The following DHRS13 variants were observed in gnomAD, a reference collection of about 807,000 sequenced individuals.
DHRS13 encodes dehydrogenase/reductase SDR family member 13.
In DHRS13, 22 loss-of-function variants were observed where a neutral mutation model predicts 17.9. That is an observed-to-expected ratio of 1.23 (90% CI 0.88 to 1.75). The LOEUF is 1.75. DHRS13 is among the 40% of genes most tolerant of loss of function. DHRS13 has a pLI of 0.00. For missense variants in DHRS13, 483 were observed against 519.9 expected (o/e 0.93, Z 0.69); for synonymous variants, 206 against 220.4 (o/e 0.93, Z 0.58).
chr17:28,900,341 T>C (rs773322963), intron 4 of DHRS13, among the ~76,000 whole-genome samples: 6 of 152,188 alleles, frequency 3.9e-5, no homozygotes, highest in Non-Finnish European at 8.8e-5. Context: ...TCTGCACTTA[T>C]TATTTGCACT....
Position 28,903,020 on chromosome 17 carries a change from T to A in DHRS13, c.-76A>T. The A allele has an allele frequency of 4.7e-6, 6 of 1,268,582 alleles. No individual in the cohort carries two copies. The highest frequency in any genetic ancestry group is 6.0e-6 in the Non-Finnish European group (6 of 1,000,242). 78.6% of individuals were successfully genotyped at this position (1,268,582 alleles called of 1,614,324 possible). ...CCGCCAGGCGGCTGCCGATCCGCCC[T>A]GCACAGGCCTGGAACGGCGCCCGGG... On this transcript the variant is annotated 5_prime_UTR_variant, in exon 1 of 5. Coordinates refer to ENST00000378895, the MANE Select transcript of DHRS13 (RefSeq NM_144683.4). The surrounding 1 kb of genome is among the most constrained non-coding windows in gnomAD (Gnocchi z 4.8).
In DHRS13 at chr17:28,901,613, T is replaced by C. The variant is rs367956193; in HGVS notation, c.250A>G (p.Ser84Gly). 2 of 1,614,018 alleles carry C rather than the reference T, an allele frequency of 1.2e-6. No homozygotes were observed. Among genetic ancestry groups the C allele is most frequent in the African/African-American group, 1.3e-5 (1 of 74,926 alleles). Reference sequence around the variant, plus strand: ...ATGAAGATGACCTCATTGTTCCCACTCTCCTGTGGAGAGGCAAGGGCTGGG... The same window carrying C: ...ATGAAGATGACCTCATTGTTCCCACCCTCCTGTGGAGAGGCAAGGGCTGGG... ...EAAAFDLRQESGNNEVIFMAL... is the reference protein window; with the variant it reads ...EAAAFDLRQEGGNNEVIFMAL... Residue 84 changes from serine (S) to glycine (G), a missense_variant, in exon 3 of 5, where the codon AGT (serine) becomes GGT (glycine). Coordinates refer to ENST00000378895, the MANE Select transcript of DHRS13 (RefSeq NM_144683.4). The surrounding 1 kb of genome is among the most constrained non-coding windows in gnomAD (Gnocchi z 4.3).
In DHRS13 at chr17:28,898,742, C is replaced by G. The variant is rs780957393; in HGVS notation, c.833G>C (p.Ser278Thr). 3.1e-6 allele frequency: 5 copies of G among 1,613,974 alleles called. No individual in the cohort carries two copies. Among genetic ancestry groups the G allele is most frequent in the Non-Finnish European group, 4.2e-6 (5 of 1,179,938 alleles). ...CALQEGIEPL[S>T]GRYFANCHVE... is the part of the protein sequence containing the mutation. ...ATGGCAGTTGGCAAAATATCTCCCACTGAGGGGCTCGATGCCCTCTTGTAG... is the reference window on the plus strand; with the variant it reads ...ATGGCAGTTGGCAAAATATCTCCCAGTGAGGGGCTCGATGCCCTCTTGTAG... Residue 278 changes from serine (S) to threonine (T), a missense_variant, in exon 5 of 5, where the codon AGT (serine) becomes ACT (threonine). Transcript: ENST00000378895.
In DHRS13 at chr17:28,901,024, C is replaced by T; in HGVS notation, c.648G>A (p.Glu216=). 6.2e-7 allele frequency: 1 copy of T among 1,609,852 alleles called. No individual in the cohort carries two copies. Residue 216 remains glutamate, a synonymous_variant, in exon 4 of 5, where the codon GAG becomes GAA. Transcript: ENST00000378895. This position sits in a 1 kb window ranked among gnomAD's most constrained non-coding sequence, Gnocchi z 4.3. ...CTGCATAGCAGGTGACGCCAGTGGC[C>T]TCAAGCTGGTTGGCGAGCTCCCGGG... ...LFARELANQL[E]ATGVTCYAAH...
rs2039816737 is a variant in DHRS13, at chr17:28,902,720, A to G, written c.128-19T>C. On this transcript the variant is annotated intron_variant, in intron 1 of 4. Coordinates refer to ENST00000378895, the MANE Select transcript of DHRS13 (RefSeq NM_144683.4). This position sits in a 1 kb window ranked among gnomAD's most constrained non-coding sequence, Gnocchi z 4.0. ...TTGGCGCCTGCGGACCGCGGGCGGGAGCCGAGCTGAGCTGAGCCCGGCGGG... is the reference window on the plus strand; with the variant it reads ...TTGGCGCCTGCGGACCGCGGGCGGGGGCCGAGCTGAGCTGAGCCCGGCGGG... 4.4e-6 allele frequency: 6 copies of G among 1,349,722 alleles called. No individual in the cohort carries two copies. The highest frequency in any genetic ancestry group is 4.7e-6 in the Non-Finnish European group (5 of 1,059,188). The allele number at this position is 1,349,722 out of a possible 1,614,324, so 83.6% of individuals were successfully genotyped here.
Position 28,902,522 on chromosome 17 carries a change from G to A in DHRS13, c.246+61C>T. 1.4e-6 allele frequency: 2 copies of A among 1,400,158 alleles called. No homozygotes were observed. The highest frequency in any genetic ancestry group is 1.9e-6 in the Non-Finnish European group (2 of 1,076,980). The allele number at this position is 1,400,158 out of a possible 1,614,324, so 86.7% of individuals were successfully genotyped here. A position where few individuals can be genotyped will look rare whatever the true frequency, so the allele number is the denominator to read the frequency against. ...CGGATCCTCCGCAGCCCCTTTGCTG[G>A]CTTCTCTGTGTCCCGGCGGGTTCTC... On this transcript the variant is annotated intron_variant, in intron 2 of 4. Transcript: ENST00000378895. The surrounding 1 kb of genome is among the most constrained non-coding windows in gnomAD (Gnocchi z 4.0).
Position 28,902,707 on chromosome 17 carries a change from G to T in DHRS13, c.128-6C>A. ...TCCGATGCCGCTGTTGGCGCCTGCG[G>T]ACCGCGGGCGGGAGCCGAGCTGAGC... On this transcript the variant is annotated splice_region_variant and splice_polypyrimidine_tract_variant and intron_variant, in intron 1 of 4. Coordinates refer to ENST00000378895, the MANE Select transcript of DHRS13 (RefSeq NM_144683.4). The surrounding 1 kb of genome is among the most constrained non-coding windows in gnomAD (Gnocchi z 4.0). The T allele has an allele frequency of 7.4e-7, 1 of 1,356,542 alleles. No homozygotes were observed. Among genetic ancestry groups the T allele is most frequent in the South Asian group, 1.8e-5 (1 of 56,186 alleles). 84.0% of individuals were successfully genotyped at this position (1,356,542 alleles called of 1,614,324 possible). A position where few individuals can be genotyped will look rare whatever the true frequency, so the allele number is the denominator to read the frequency against.
rs774069075 is a variant in DHRS13, at chr17:28,901,338, A to G, written c.371-37T>C. 1.3e-6 allele frequency: 2 copies of G among 1,584,272 alleles called. No homozygotes were observed. The highest frequency in any genetic ancestry group is 4.5e-5 in the East Asian group (2 of 44,610). On this transcript the variant is annotated intron_variant, in intron 3 of 4. Transcript: ENST00000378895. The surrounding 1 kb of genome is among the most constrained non-coding windows in gnomAD (Gnocchi z 4.3). ...GCTAAATGTGAGCGGCTGCTCCAGA[A>G]GGAGCTCTGCAGCCTTGGCATCCCT...
chr17:28,901,131 T>C lies in DHRS13; in HGVS notation c.541A>G (p.Lys181Glu), dbSNP rs1321252766. 1.2e-6 allele frequency: 2 copies of C among 1,614,120 alleles called. No homozygotes were observed. Among genetic ancestry groups the C allele is most frequent in the Non-Finnish European group, 1.7e-6 (2 of 1,180,006 alleles). Residue 181 changes from lysine to glutamate, a missense_variant, in exon 4 of 5, where the codon AAA becomes GAA. By Grantham distance (56) the Lys-to-Glu change is moderately conservative. Transcript: ENST00000378895. The surrounding 1 kb of genome is among the most constrained non-coding windows in gnomAD (Gnocchi z 4.3). ...CCCACCACTGGGCGGTCCAGGCGTT[T>C]GAAGTCAAGACGTCCCCGACAGTGG... Reference protein sequence around the residue: ...AAHCRGRLDFKRLDRPVVGWR... With the variant: ...AAHCRGRLDFERLDRPVVGWR...
chr17:28,902,524 T>G lies in DHRS13; in HGVS notation c.246+59A>C. On this transcript the variant is annotated intron_variant, in intron 2 of 4. Coordinates refer to ENST00000378895, the MANE Select transcript of DHRS13 (RefSeq NM_144683.4). This position sits in a 1 kb window ranked among gnomAD's most constrained non-coding sequence, Gnocchi z 4.0. Reference sequence around the variant, plus strand: ...GATCCTCCGCAGCCCCTTTGCTGGCTTCTCTGTGTCCCGGCGGGTTCTCGG... The same window carrying G: ...GATCCTCCGCAGCCCCTTTGCTGGCGTCTCTGTGTCCCGGCGGGTTCTCGG... 1 of 1,406,388 alleles carries G rather than the reference T, an allele frequency of 7.1e-7. No individual in the cohort carries two copies. Among genetic ancestry groups the G allele is most frequent in the South Asian group, 1.4e-5 (1 of 69,604 alleles). 87.1% of individuals were successfully genotyped at this position (1,406,388 alleles called of 1,614,324 possible).
At position 28,901,747 on chromosome 17, in the gene DHRS13, A is replaced by G. The variant is rs1474612860; in HGVS notation, c.247-131T>C. The G allele has an allele frequency of 8.4e-6, 12 of 1,421,216 alleles. No individual in the cohort carries two copies. The highest frequency in any genetic ancestry group is 2.7e-5 in the Admixed American group (1 of 36,440). 88.0% of individuals were successfully genotyped at this position (1,421,216 alleles called of 1,614,324 possible). A position where few individuals can be genotyped will look rare whatever the true frequency, so the allele number is the denominator to read the frequency against. On this transcript the variant is annotated intron_variant, in intron 2 of 4. Coordinates refer to ENST00000378895, the MANE Select transcript of DHRS13 (RefSeq NM_144683.4). This position sits in a 1 kb window ranked among gnomAD's most constrained non-coding sequence, Gnocchi z 4.3. ...GCCCCTGTGTCTTAGAGTGTACTAG[A>G]TAAGTGTGTGGATTCAAATCCTGAC...
chr17:28,901,389 T>A lies in DHRS13; in HGVS notation c.371-88A>T. 1.3e-6 allele frequency: 2 copies of A among 1,590,248 alleles called. No homozygotes were observed. The highest frequency in any genetic ancestry group is 2.3e-5 in the South Asian group (2 of 87,758). On this transcript the variant is annotated intron_variant, in intron 3 of 4. Transcript: ENST00000378895. The surrounding 1 kb of genome is among the most constrained non-coding windows in gnomAD (Gnocchi z 4.3). The stretch of plus-strand genomic sequence containing the variant: ...ATCTATGAGATGGGAGAAGGGGGCA[T>A]CCTTCCCATGTGTCCACTGGCCCCA...
chr17:28,898,998 T>C, intron 4 of DHRS13, 106 bp from the exon 5 acceptor site: 1 of 1,114,004 alleles, frequency 9.0e-7, no homozygotes, highest in Non-Finnish European at 1.2e-6. Flanking sequence ...GCCCAGGAGT[T>C]TGAGACCAGA....
In DHRS13 at chr17:28,901,118, C is replaced by A. The variant is rs746479641; in HGVS notation, c.554G>T (p.Arg185Leu). 1 of 1,614,176 alleles carries A rather than the reference C, an allele frequency of 6.2e-7. No homozygotes were observed. ...CTCCTGCCGCCAGCCCACCACTGGG[C>A]GGTCCAGGCGTTTGAAGTCAAGACG... is the stretch of plus-strand genomic sequence containing the variant. Reference protein sequence around the residue: ...RGRLDFKRLDRPVVGWRQELR... With the variant: ...RGRLDFKRLDLPVVGWRQELR... The change falls in exon 4 of 5, where the codon CGC becomes CTC. Residue 185 changes from arginine (R) to leucine (L), a missense_variant. Coordinates refer to ENST00000378895, the MANE Select transcript of DHRS13 (RefSeq NM_144683.4). The surrounding 1 kb of genome is among the most constrained non-coding windows in gnomAD (Gnocchi z 4.3).
In DHRS13 at chr17:28,901,674, C is replaced by T; in HGVS notation, c.247-58G>A. 1 of 1,600,672 alleles carries T rather than the reference C, an allele frequency of 6.2e-7. No individual in the cohort carries two copies. The highest frequency in any genetic ancestry group is 8.5e-7 in the Non-Finnish European group (1 of 1,171,202). On this transcript the variant is annotated intron_variant, in intron 2 of 4. Transcript: ENST00000378895. The surrounding 1 kb of genome is among the most constrained non-coding windows in gnomAD (Gnocchi z 4.3). Reference sequence around the variant, plus strand: ...GGCATCTCTCTCCTCTTCCCTCTCCCCAGGCACCAAATTCTGAGAGTCCAT... The same window carrying T: ...GGCATCTCTCTCCTCTTCCCTCTCCTCAGGCACCAAATTCTGAGAGTCCAT...
Position 28,902,713 on chromosome 17 carries a change from G to T in DHRS13, c.128-12C>A. 7.4e-7 allele frequency: 1 copy of T among 1,353,638 alleles called. No individual in the cohort carries two copies. The highest frequency in any genetic ancestry group is 9.4e-7 in the Non-Finnish European group (1 of 1,061,196). 83.9% of individuals were successfully genotyped at this position (1,353,638 alleles called of 1,614,324 possible). On this transcript the variant is annotated splice_polypyrimidine_tract_variant and intron_variant, in intron 1 of 4. Coordinates refer to ENST00000378895, the MANE Select transcript of DHRS13 (RefSeq NM_144683.4). This position sits in a 1 kb window ranked among gnomAD's most constrained non-coding sequence, Gnocchi z 4.0. ...GCCGCTGTTGGCGCCTGCGGACCGCGGGCGGGAGCCGAGCTGAGCTGAGCC... is the reference window on the plus strand; with the variant it reads ...GCCGCTGTTGGCGCCTGCGGACCGCTGGCGGGAGCCGAGCTGAGCTGAGCC...
intron 4 of DHRS13, among the ~76,000 whole-genome samples, chr17:28,900,006 C>T (rs757858909): frequency 3.3e-5 from 5 of 151,574 alleles, no homozygotes; most frequent in Non-Finnish European, 5.9e-5. Context: ...CTCCACCTCC[C>T]GGATTAAAGC....
chr17:28,902,724 G>C lies in DHRS13; in HGVS notation c.128-23C>G, dbSNP rs954413967. The C allele has an allele frequency of 2.9e-6, 4 of 1,362,674 alleles. No homozygotes were observed. The East Asian group carries it at 1.2e-4, about 42-fold the overall frequency. 84.4% of individuals were successfully genotyped at this position (1,362,674 alleles called of 1,614,324 possible). The stretch of plus-strand genomic sequence containing the variant: ...CGCCTGCGGACCGCGGGCGGGAGCC[G>C]AGCTGAGCTGAGCCCGGCGGGCCGC... On this transcript the variant is annotated intron_variant, in intron 1 of 4. Transcript: ENST00000378895. The surrounding 1 kb of genome is among the most constrained non-coding windows in gnomAD (Gnocchi z 4.0).
chr17:28,898,933 T>C, intron 4 of DHRS13, 41 bp from the exon 5 acceptor site: 1 of 1,520,704 alleles, frequency 6.6e-7, no homozygotes, highest in Non-Finnish European at 8.8e-7. Context: ...CTAGGCACAG[T>C]GGTGTGTATT....
Sources: allele counts gnomAD v4.1 joint callset (sites outside exome capture counted in the v4.1 genomes callset), GRCh38; gene constraint gnomAD v4.1.1; non-coding constraint Gnocchi (gnomAD v3.1); transcripts MANE v1.5; gene names NCBI Gene and HGNC (gene_info 2026-07-23, HGNC 2026-07-21).